Variants in CADPS observed in about 807,000 individuals in gnomAD.
The protein encoded by CADPS is calcium dependent secretion activator, also known as calcium-dependent secretion activator 1.
CADPS carries 57 observed loss-of-function variants against 167.3 expected under a neutral mutation model. The observed-to-expected ratio is 0.34, with a 90% CI of 0.28 to 0.42. The LOEUF (loss-of-function observed/expected upper bound fraction) is 0.42, where lower values mean the gene tolerates loss of function less well. Ranked by LOEUF, CADPS falls within the 20% of genes least tolerant of loss-of-function variation. The pLI, the probability that CADPS is intolerant of heterozygous loss-of-function variation, is 1.00. For missense variants in CADPS, 1,414 were observed against 1,738.1 expected (o/e 0.81, Z 3.32); for synonymous variants, 676 against 635.3 (o/e 1.06, Z -0.96).
At chr3:62,588,055 C>T (rs2085043012) in intron 7 of CADPS, among the ~76,000 whole-genome samples, 1 of 152,208 alleles carries the variant, frequency 6.6e-6, no homozygotes, top group African/African-American at 2.4e-5. Flanking sequence ...GATGTGGCCG[C>T]CACGACCCAC....
rs1057298807 is a variant in CADPS, at chr3:62,412,776, G to A, written c.3778-9591C>T. Reference sequence around the variant, plus strand: ...GAGTCCAGAAGGATCCTTTCTAAAAGCAAATCAAGCAGGGGAGTTTAATCC... The same window carrying A: ...GAGTCCAGAAGGATCCTTTCTAAAAACAAATCAAGCAGGGGAGTTTAATCC... On this transcript the variant is annotated intron_variant, in intron 28 of 29. Coordinates refer to ENST00000383710, the MANE Select transcript of CADPS (RefSeq NM_003716.4). This position sits in a 1 kb window ranked among gnomAD's most constrained non-coding sequence, Gnocchi z 4.1. Among the ~76,000 whole-genome samples, 1 of 152,142 alleles carries A rather than the reference G, an allele frequency of 6.6e-6. No individual in the cohort carries two copies. The highest frequency in any genetic ancestry group is 2.4e-5 in the African/African-American group (1 of 41,440).
At chr3:62,842,674 T>G (rs139230567) in intron 1 of CADPS, among the ~76,000 whole-genome samples, 1 of 152,152 alleles carries the variant, frequency 6.6e-6, no homozygotes, top group African/African-American at 2.4e-5. Context: ...GAGAGAAGAA[T>G]TGAGGCAGAG....
chr3:62,757,241 C>T (rs1249177336), intron 2 of CADPS, among the ~76,000 whole-genome samples: 1 of 152,138 alleles, frequency 6.6e-6, no homozygotes, highest in Non-Finnish European at 1.5e-5. Context: ...ATCCCACAAA[C>T]CCGAAATGGG....
At chr3:62,480,532 G>A (rs2061872563) in intron 22 of CADPS, among the ~76,000 whole-genome samples, 1 of 152,126 alleles carries the variant, frequency 6.6e-6, no homozygotes, top group Non-Finnish European at 1.5e-5. Flanking sequence ...GAAATATCAG[G>A]CAGCTTTGGA....
intron 1 of CADPS, among the ~76,000 whole-genome samples, chr3:62,866,454 A>T (rs1251433779): frequency 6.6e-6 from 1 of 152,020 alleles, no homozygotes; most frequent in African/African-American, 2.4e-5. Flanking sequence ...GGAATCTTAC[A>T]GTCTAGTGAG....
chr3:62,797,711 G>A lies in CADPS; in HGVS notation c.442-31727C>T, dbSNP rs150100499. 1.1e-3 allele frequency among the ~76,000 whole-genome samples: 174 copies of A among 151,974 alleles called. 1 individual carries two copies. The highest frequency in any genetic ancestry group is 3.4e-3 in the African/African-American group (143 of 41,450). ...GAGAGGATCAGGAAAAATAACTAACGGGTACTAGGCTTCATACCTAGGAGA... is the reference window on the plus strand; with the variant it reads ...GAGAGGATCAGGAAAAATAACTAACAGGTACTAGGCTTCATACCTAGGAGA... On this transcript the variant is annotated intron_variant, in intron 1 of 29. Coordinates refer to ENST00000383710, the MANE Select transcript of CADPS (RefSeq NM_003716.4).
At chr3:62,630,097 A>T (rs750499848) in intron 6 of CADPS, among the ~76,000 whole-genome samples, 1 of 152,040 alleles carries the variant, frequency 6.6e-6, no homozygotes, top group Non-Finnish European at 1.5e-5. Flanking sequence ...AGGGTTGCTG[A>T]GGGTGGAGAC....
chr3:62,670,336 C>G (rs953536118), intron 3 of CADPS, among the ~76,000 whole-genome samples: 1 of 152,114 alleles, frequency 6.6e-6, no homozygotes, highest in Non-Finnish European at 1.5e-5. Context: ...ACATGGAGTT[C>G]GGTCTCCCAT....
At chr3:62,865,652 T>A (rs991099792) in intron 1 of CADPS, among the ~76,000 whole-genome samples, 4 of 152,084 alleles carry the variant, frequency 2.6e-5, no homozygotes, top group Non-Finnish European at 5.9e-5. Context: ...ACAGCAAAAA[T>A]AATTTTCTTT....
chr3:62,588,337 G>A (rs1178413283), intron 7 of CADPS, among the ~76,000 whole-genome samples: 2 of 129,992 alleles, frequency 1.5e-5, no homozygotes, highest in African/African-American at 5.5e-5. Context: ...TTCCCACATT[G>A]CACTATAATT....
intron 28 of CADPS, among the ~76,000 whole-genome samples, chr3:62,405,140 G>T (rs115429296): frequency 0.45 from 64,963 of 145,538 alleles, 17,567 homozygotes; most frequent in Non-Finnish European, 0.58. Flanking sequence ...GTAATCTGGG[G>T]GGGGGGGGGG....
chr3:62,748,985 C>T (rs1184543319), intron 3 of CADPS, among the ~76,000 whole-genome samples: 1 of 152,206 alleles, frequency 6.6e-6, no homozygotes, highest in Non-Finnish European at 1.5e-5. Context: ...TGTGCTCAGC[C>T]TACCTTACTT....
intron 17 of CADPS, among the ~76,000 whole-genome samples, chr3:62,511,102 C>G (rs1447608605): frequency 2.6e-5 from 4 of 152,124 alleles, no homozygotes; most frequent in South Asian, 2.1e-4. Context: ...TCTTCATCAC[C>G]TTTGCAGTTG....
At chr3:62,859,794 T>C (rs563988416) in intron 1 of CADPS, among the ~76,000 whole-genome samples, 1 of 152,306 alleles carries the variant, frequency 6.6e-6, no homozygotes, top group African/African-American at 2.4e-5. Context: ...GCAAATGAGA[T>C]ATTGGTTTGT....
chr3:62,533,390 C>T (rs1308180093), intron 12 of CADPS, among the ~76,000 whole-genome samples: 1 of 152,108 alleles, frequency 6.6e-6, no homozygotes, highest in African/African-American at 2.4e-5. Context: ...CGGAACCATA[C>T]ACGTTAAAGG....
At chr3:62,770,785 A>T (rs114198103) in intron 1 of CADPS, among the ~76,000 whole-genome samples, 4,129 of 152,278 alleles carry the variant, frequency 0.027, 74 homozygotes, top group Non-Finnish European at 0.04. Context: ...TATCAAGATA[A>T]ACAACATTAC....
At chr3:62,559,580 C>T (rs377240559) in intron 9 of CADPS, among the ~76,000 whole-genome samples, 6 of 151,998 alleles carry the variant, frequency 3.9e-5, no homozygotes, top group South Asian at 2.1e-4. Context: ...CGGCAACCTC[C>T]GCTTCCTGGG....
chr3:62,837,558 T>C (rs1168936865), intron 1 of CADPS, among the ~76,000 whole-genome samples: 1 of 152,144 alleles, frequency 6.6e-6, no homozygotes, highest in Non-Finnish European at 1.5e-5. Flanking sequence ...TCAGTGTTCC[T>C]CCCTCCCCTC....
chr3:62,639,818 CT>C (rs2067059156), intron 6 of CADPS, among the ~76,000 whole-genome samples: 1 of 152,146 alleles, frequency 6.6e-6, no homozygotes, highest in African/African-American at 2.4e-5. Flanking sequence ...AACACTCTCC[CT>C]CAATGACTAA....
Sources: allele counts gnomAD v4.1 joint callset (sites outside exome capture counted in the v4.1 genomes callset), GRCh38; gene constraint gnomAD v4.1.1; non-coding constraint Gnocchi (gnomAD v3.1); transcripts MANE v1.5; gene names NCBI Gene and HGNC (gene_info 2026-07-23, HGNC 2026-07-21).